Variants in DLGAP1 observed in about 807,000 individuals in gnomAD.
The protein encoded by DLGAP1 is disks large-associated protein 1.
DLGAP1 carries 11 observed loss-of-function variants against 90.8 expected under a neutral mutation model. That is an observed-to-expected ratio of 0.12 (90% confidence interval 0.08 to 0.20). The LOEUF (loss-of-function observed/expected upper bound fraction) is 0.20, where lower values mean the gene tolerates loss of function less well. Among genes scored for constraint, DLGAP1 ranks in the 10% least tolerant of loss-of-function variants. The pLI is 1.00. For missense variants in DLGAP1, 1,050 were observed against 1,333.8 expected, an observed-to-expected ratio of 0.79 and a Z score of 3.31; for synonymous variants, 558 against 540.7, an observed-to-expected ratio of 1.03 and a Z score of -0.44.
At chr18:4,031,439 T>C (rs2074794679) in intron 2 of DLGAP1, among the ~76,000 whole-genome samples, 2 of 152,132 alleles carry the variant, frequency 1.3e-5, no homozygotes, top group African/African-American at 4.8e-5. Flanking sequence ...CTCATGAAAA[T>C]CCTCTGTAAG....
At chr18:4,371,990 A>AACAGCATCTACCC (rs1416985673) in intron 1 of DLGAP1, among the ~76,000 whole-genome samples, 6 of 152,236 alleles carry the variant, frequency 3.9e-5, no homozygotes, top group Non-Finnish European at 8.8e-5. Context: ...TTGGGTAGAG[A>AACAGCATCTACCC]AAATCATCTC....
At chr18:3,909,871 G>T (rs2071994170) in intron 3 of DLGAP1, among the ~76,000 whole-genome samples, 1 of 151,956 alleles carries the variant, frequency 6.6e-6, no homozygotes, top group South Asian at 2.1e-4. Context: ...TAGATAATAT[G>T]TTTAAGCAAT....
rs1395997363 is a variant in DLGAP1 at position 3,765,125 on chromosome 18, TTTTTC to T, written c.1173-22618_1173-22614del. On this transcript the variant is annotated intron_variant, in intron 5 of 12. Transcript: ENST00000315677. The stretch of plus-strand genomic sequence containing the variant: ...CCATGCACACTTGCAAACTTTTTTT[TTTTTC>T]TTTTTTTTTTTTTTTGAGACAGAGT... Among the ~76,000 whole-genome samples, 93 of 133,878 alleles carry T rather than the reference TTTTTC, an allele frequency of 6.9e-4. 3 individuals are homozygous for T. Among genetic ancestry groups the T allele is most frequent in the East Asian group, 1.3e-3 (5 of 3,776 alleles). The allele number at this position is 133,878 out of a possible 152,430, so 87.8% of individuals were successfully genotyped here.
At chr18:3,615,153 C>T (rs576487110) in intron 7 of DLGAP1, among the ~76,000 whole-genome samples, 2 of 152,136 alleles carry the variant, frequency 1.3e-5, no homozygotes, top group East Asian at 1.9e-4. Flanking sequence ...AACTCCTGAC[C>T]TCATGTGATC....
chr18:3,635,861 G>A (rs1406452324), intron 7 of DLGAP1, among the ~76,000 whole-genome samples: 1 of 151,384 alleles, frequency 6.6e-6, no homozygotes, highest in Non-Finnish European at 1.5e-5. Context: ...AATAATCACT[G>A]GATTTTCTGC....
intron 7 of DLGAP1, among the ~76,000 whole-genome samples, chr18:3,623,750 C>T (rs1264699136): frequency 7.0e-6 from 1 of 143,250 alleles, no homozygotes; most frequent in Non-Finnish European, 1.5e-5. Context: ...GCACCCCAGC[C>T]TGAGAGACAG....
intron 2 of DLGAP1, among the ~76,000 whole-genome samples, chr18:4,024,930 G>A (rs2074674451): frequency 6.6e-6 from 1 of 152,134 alleles, no homozygotes; most frequent in South Asian, 2.1e-4. Context: ...TAGGCAGGCA[G>A]TGCTACCAAG....
At chr18:3,572,075 T>G (rs1427943530) in intron 8 of DLGAP1, among the ~76,000 whole-genome samples, 1 of 144,278 alleles carries the variant, frequency 6.9e-6, no homozygotes, top group Non-Finnish European at 1.5e-5. Context: ...CTAGGTTTTT[T>G]TTTTTTTTTT....
intron 7 of DLGAP1, among the ~76,000 whole-genome samples, chr18:3,583,168 ACCTACCTACC>A (rs2055643438): frequency 8.7e-5 from 11 of 126,986 alleles, no homozygotes; most frequent in Middle Eastern, 3.6e-3. Context: ...CTACCTACCT[ACCTACCTACC>A]TACCTACCTT....
At position 4,084,561 on chromosome 18, in the gene DLGAP1, G is replaced by A. The variant is rs1361762554; in HGVS notation, c.-159+66619C>T. Among the ~76,000 whole-genome samples the A allele has an allele frequency of 1.3e-5, 2 of 152,108 alleles. No individual in the cohort carries two copies. The highest frequency in any genetic ancestry group is 2.9e-5 in the Non-Finnish European group (2 of 68,016). On this transcript the variant is annotated intron_variant, in intron 2 of 12. Transcript: ENST00000315677. This position sits in a 1 kb window ranked among gnomAD's most constrained non-coding sequence, Gnocchi z 4.0. Reference sequence around the variant, plus strand: ...CCTATACCCACAGGACAGGAGCATCGTTATCTCTAAGACTCAGGGACACAG... The same window carrying A: ...CCTATACCCACAGGACAGGAGCATCATTATCTCTAAGACTCAGGGACACAG...
intron 7 of DLGAP1, among the ~76,000 whole-genome samples, chr18:3,712,571 C>T (rs751816569): frequency 1.1e-3 from 175 of 152,188 alleles, no homozygotes; most frequent in Non-Finnish European, 1.9e-3. Flanking sequence ...CTCCAAGTAG[C>T]GAATAAGCTC....
intron 3 of DLGAP1, among the ~76,000 whole-genome samples, chr18:3,934,513 C>G (rs188121179): frequency 1.3e-5 from 2 of 149,972 alleles, no homozygotes; most frequent in South Asian, 2.1e-4. Flanking sequence ...GAGTGGCAGA[C>G]AGAGAGAGAG....
chr18:3,783,697 G>T (rs767820191), intron 5 of DLGAP1, among the ~76,000 whole-genome samples: 51 of 152,122 alleles, frequency 3.4e-4, no homozygotes, highest in Non-Finnish European at 6.2e-4. Flanking sequence ...ATTGATAGTG[G>T]TGGTGCACAG....
chr18:4,356,711 C>G (rs368564224), intron 1 of DLGAP1, among the ~76,000 whole-genome samples: 1 of 152,174 alleles, frequency 6.6e-6, no homozygotes, highest in South Asian at 2.1e-4. Flanking sequence ...TCCCTACATG[C>G]CTGTTCCGTG....
At chr18:4,402,107 A>G (rs574149147) in intron 1 of DLGAP1, among the ~76,000 whole-genome samples, 1 of 152,356 alleles carries the variant, frequency 6.6e-6, no homozygotes, top group Admixed American at 6.5e-5. Context: ...GCTACTGATT[A>G]CAGCTTTCAG....
At chr18:4,426,864 T>G (rs1233159539) in intron 1 of DLGAP1, among the ~76,000 whole-genome samples, 3 of 152,192 alleles carry the variant, frequency 2.0e-5, no homozygotes, top group Non-Finnish European at 4.4e-5. Context: ...TAAAAATGGT[T>G]TGAAGGGACA....
intron 2 of DLGAP1, among the ~76,000 whole-genome samples, chr18:4,075,292 T>C (rs1479758017): frequency 2.0e-5 from 3 of 152,208 alleles, no homozygotes; most frequent in Non-Finnish European, 2.9e-5. Context: ...TAGCTAGTTC[T>C]ATTCTTCTGA....
At chr18:4,043,545 C>T (rs4063149) in intron 2 of DLGAP1, among the ~76,000 whole-genome samples, 5 of 151,880 alleles carry the variant, frequency 3.3e-5, no homozygotes, top group Admixed American at 6.6e-5. Context: ...TAACCTACAT[C>T]TTATTTATTT....
intron 1 of DLGAP1, among the ~76,000 whole-genome samples, chr18:4,414,955 A>T (rs1253976738): frequency 6.6e-6 from 1 of 152,138 alleles, no homozygotes; most frequent in Non-Finnish European, 1.5e-5. Flanking sequence ...TGATGTGCTC[A>T]TTCTACAGGA....
Sources: gnomAD v4.1 joint callset for allele counts (sites outside exome capture counted in the v4.1 genomes callset) on GRCh38, gnomAD v4.1.1 for gene constraint, Gnocchi (gnomAD v3.1) non-coding constraint, MANE v1.5 for transcripts, NCBI Gene and HGNC (gene_info 2026-07-23, HGNC 2026-07-21) for gene names.